TSPAN5: variants seen among roughly 807,000 people sequenced by gnomAD.
TSPAN5 encodes tetraspanin-5.
A neutral mutation model predicts 37.1 loss-of-function variants in TSPAN5; 10 were observed. The ratio of observed to expected loss-of-function variants is 0.27; its 90% CI spans 0.17 to 0.46. The LOEUF (loss-of-function observed/expected upper bound fraction) is 0.46. Ranked by LOEUF, TSPAN5 falls within the 20% of genes least tolerant of loss-of-function variation. TSPAN5 has a pLI of 1.00. For synonymous variants in TSPAN5, 110 were observed against 118.9 expected (o/e 0.93, Z 0.48); for missense variants, 195 against 326.6 (o/e 0.60, Z 3.11).
chr4:98,631,498 T>C (rs1579043778), intron 1 of TSPAN5, among the ~76,000 whole-genome samples: 1 of 152,078 alleles, frequency 6.6e-6, no homozygotes, highest in South Asian at 2.1e-4. Flanking sequence ...GCATTTGCTA[T>C]GTCATCTGGT....
chr4:98,586,349 C>T (rs1326859248), intron 1 of TSPAN5, among the ~76,000 whole-genome samples: 1 of 152,116 alleles, frequency 6.6e-6, no homozygotes, highest in Non-Finnish European at 1.5e-5. Context: ...ACAATCTAAC[C>T]TTTCCCCATT....
At chr4:98,557,183 C>G (rs1177621988) in intron 1 of TSPAN5, among the ~76,000 whole-genome samples, 1 of 152,122 alleles carries the variant, frequency 6.6e-6, no homozygotes, top group East Asian at 1.9e-4. Context: ...TTTTATCATA[C>G]TAGCGTTTTT....
intron 1 of TSPAN5, among the ~76,000 whole-genome samples, chr4:98,623,827 A>G (rs780232028): frequency 6.6e-6 from 1 of 152,162 alleles, no homozygotes; most frequent in Non-Finnish European, 1.5e-5. Context: ...AAAACAACAC[A>G]TGCACACATA....
At chr4:98,548,700 A>G (rs537965956) in intron 1 of TSPAN5, among the ~76,000 whole-genome samples, 39 of 152,220 alleles carry the variant, frequency 2.6e-4, no homozygotes, top group African/African-American at 9.1e-4. Flanking sequence ...TTAGTCTTCA[A>G]TGTCCATTAT....
chr4:98,504,965 T>C (rs561622490), intron 2 of TSPAN5, among the ~76,000 whole-genome samples: 7 of 152,282 alleles, frequency 4.6e-5, no homozygotes, highest in African/African-American at 1.7e-4. Flanking sequence ...GAGGGCTTTC[T>C]TCCTGGCTAT....
chr4:98,607,678 A>AG (rs1204674456), intron 1 of TSPAN5, among the ~76,000 whole-genome samples: 2 of 151,724 alleles, frequency 1.3e-5, no homozygotes, highest in Non-Finnish European at 2.9e-5. Context: ...ACAGTTGGGA[A>AG]AAAAAAGAAA....
At chr4:98,636,638 C>T (rs1756861924) in intron 1 of TSPAN5, among the ~76,000 whole-genome samples, 1 of 152,060 alleles carries the variant, frequency 6.6e-6, no homozygotes, top group Admixed American at 6.6e-5. Context: ...AATCTGTGCA[C>T]TTAAATAACA....
At chr4:98,644,426 A>G (rs1258394202) in intron 1 of TSPAN5, among the ~76,000 whole-genome samples, 1 of 152,208 alleles carries the variant, frequency 6.6e-6, no homozygotes, top group Non-Finnish European at 1.5e-5. Flanking sequence ...AGTTGAACCG[A>G]AAGAAAATAT....
At chr4:98,574,925 CACGAAGATTA>C (rs1755200222) in intron 1 of TSPAN5, 1 of 153,114 alleles carries the variant, frequency 6.5e-6, no homozygotes, top group Admixed American at 6.6e-5. Context: ...AAAAGGGCAC[CACGAAGATTA>C]AGAGCTAGCC....
intron 1 of TSPAN5, among the ~76,000 whole-genome samples, chr4:98,587,964 A>G (rs553354546): frequency 1.3e-5 from 2 of 152,288 alleles, no homozygotes; most frequent in East Asian, 1.9e-4. Context: ...AAGTTTTCAA[A>G]TAACAGTTGG....
intron 1 of TSPAN5, among the ~76,000 whole-genome samples, chr4:98,592,877 G>A (rs898568630): frequency 1.3e-5 from 2 of 148,754 alleles, no homozygotes; most frequent in Non-Finnish European, 3.0e-5. Context: ...TTGCTATTGT[G>A]AATAGTGCCG....
At chr4:98,565,300 G>C (rs917034348) in intron 1 of TSPAN5, among the ~76,000 whole-genome samples, 2 of 151,956 alleles carry the variant, frequency 1.3e-5, no homozygotes, top group East Asian at 3.9e-4. Flanking sequence ...ACTTATACTT[G>C]CATGTTTCAT....
chr4:98,493,290 A>T (rs760064051), intron 2 of TSPAN5, among the ~76,000 whole-genome samples: 10 of 152,252 alleles, frequency 6.6e-5, no homozygotes, highest in Admixed American at 2.0e-4. Context: ...TATATTCCAT[A>T]GGAAGTTCTC....
chr4:98,534,740 T>C (rs975212930), intron 1 of TSPAN5, among the ~76,000 whole-genome samples: 4 of 152,244 alleles, frequency 2.6e-5, no homozygotes, highest in Admixed American at 1.3e-4. Context: ...TTAGCTCTTC[T>C]TGCTGCATCG....
Position 98,647,865 on chromosome 4 carries a change from T to TAA in TSPAN5, c.81+10279_81+10280dup, listed in dbSNP as rs59286533. Among the ~76,000 whole-genome samples the TAA allele has an allele frequency of 1.1e-3, 152 of 143,328 alleles. 1 individual carries two copies. Among genetic ancestry groups the TAA allele is most frequent in the Admixed American group, 3.3e-3 (48 of 14,420 alleles). 94.0% of individuals were successfully genotyped at this position (143,328 alleles called of 152,430 possible). Reference sequence around the variant, plus strand: ...GTTGGCTTTTCTGTTTTGTTTTGTTTAAAAAAAAAAAAAAGGAGTGGTGTT... The same window carrying TAA: ...GTTGGCTTTTCTGTTTTGTTTTGTTTAAAAAAAAAAAAAAAAGGAGTGGTGTT... On this transcript the variant is annotated intron_variant, in intron 1 of 7. Coordinates refer to ENST00000305798, the MANE Select transcript of TSPAN5 (RefSeq NM_005723.4).
intron 1 of TSPAN5, among the ~76,000 whole-genome samples, chr4:98,610,616 C>T (rs1002048410): frequency 2.0e-5 from 3 of 152,192 alleles, no homozygotes; most frequent in Non-Finnish European, 4.4e-5. Flanking sequence ...GCGCTCAGCA[C>T]GTATCTGTCG....
chr4:98,498,975 G>A (rs902626190), intron 2 of TSPAN5, among the ~76,000 whole-genome samples: 3 of 152,198 alleles, frequency 2.0e-5, no homozygotes, highest in Non-Finnish European at 4.4e-5. Context: ...CATCCTGGAC[G>A]CTGTCAGATA....
chr4:98,585,894 G>C (rs1212291153), intron 1 of TSPAN5, among the ~76,000 whole-genome samples: 2 of 152,178 alleles, frequency 1.3e-5, no homozygotes, highest in Non-Finnish European at 2.9e-5. Flanking sequence ...TGTTCTCCCA[G>C]AACTTGCAGG....
chr4:98,633,229 C>T (rs1756785763), intron 1 of TSPAN5, among the ~76,000 whole-genome samples: 1 of 152,162 alleles, frequency 6.6e-6, no homozygotes, highest in Non-Finnish European at 1.5e-5. Flanking sequence ...TTGTAATCTC[C>T]TTAGTACAGC....
Sources: allele counts gnomAD v4.1 joint callset (sites outside exome capture counted in the v4.1 genomes callset), GRCh38; gene constraint gnomAD v4.1.1; transcripts MANE v1.5; gene names NCBI Gene and HGNC (gene_info 2026-07-23, HGNC 2026-07-21).